PIAS1: variants seen among roughly 807,000 people sequenced by gnomAD.
PIAS1 encodes the protein protein inhibitor of activated STAT 1, also known as E3 SUMO-protein ligase PIAS1.
In PIAS1, 6 loss-of-function variants were observed where a neutral mutation model predicts 71.3. That is an observed-to-expected ratio of 0.08 (90% confidence interval 0.05 to 0.17). PIAS1 has a LOEUF of 0.17. Ranked by LOEUF, PIAS1 falls within the 10% of genes least tolerant of loss-of-function variation. The pLI is 1.00. For missense variants in PIAS1, 555 were observed against 793.6 expected (o/e 0.70, Z 3.61); for synonymous variants, 303 against 292.9 (o/e 1.03, Z -0.35).
intron 2 of PIAS1, among the ~76,000 whole-genome samples, chr15:68,111,498 G>T (rs567146498): frequency 6.6e-6 from 1 of 152,082 alleles, no homozygotes; most frequent in African/African-American, 2.4e-5. Flanking sequence ...CTAATTAGAG[G>T]TATGAATTGG....
At position 68,081,129 on chromosome 15, in the gene PIAS1, A is replaced by G. The variant is rs1469207028; in HGVS notation, c.25-5177A>G. The stretch of plus-strand genomic sequence containing the variant: ...CCCTGCCTCTGTGTAGTTGGGACAG[A>G]GTTTGCGTACATATATATCTGTGTT... On this transcript the variant is annotated intron_variant, in intron 1 of 13. Transcript: ENST00000249636. Among the ~76,000 whole-genome samples the G allele has an allele frequency of 2.0e-5, 3 of 152,186 alleles. No individual in the cohort carries two copies. In the East Asian group the frequency reaches 5.8e-4, roughly 29 times the overall value.
At chr15:68,107,022 C>CT (rs1011067702) in intron 2 of PIAS1, among the ~76,000 whole-genome samples, 3 of 152,126 alleles carry the variant, frequency 2.0e-5, no homozygotes, top group African/African-American at 7.2e-5. Flanking sequence ...ACCCTTTGTA[C>CT]TTCCTAGAGT....
At chr15:68,122,230 A>G (rs1246560917) in intron 2 of PIAS1, among the ~76,000 whole-genome samples, 1 of 152,192 alleles carries the variant, frequency 6.6e-6, no homozygotes, top group African/African-American at 2.4e-5. Flanking sequence ...AAAGGGGAAA[A>G]TGGCCAAGTT....
chr15:68,085,088 T>C (rs751592394), intron 1 of PIAS1, among the ~76,000 whole-genome samples: 4 of 152,188 alleles, frequency 2.6e-5, no homozygotes, highest in Non-Finnish European at 5.9e-5. Context: ...CCTTAGAGAA[T>C]TGGCTGGGGT....
chr15:68,157,184 A>C (rs2092896461), intron 7 of PIAS1, among the ~76,000 whole-genome samples: 1 of 152,090 alleles, frequency 6.6e-6, no homozygotes, highest in African/African-American at 2.4e-5. Context: ...GGACTGTTAG[A>C]CTTGTGGTGT....
intron 2 of PIAS1, among the ~76,000 whole-genome samples, chr15:68,096,437 A>AT (rs569315460): frequency 0.025 from 3,548 of 142,900 alleles, 101 homozygotes; most frequent in African/African-American, 0.07. Flanking sequence ...CAACTTTAGG[A>AT]TTTTTTTTTT....
rs760895309 is a variant in PIAS1 at position 68,173,417 on chromosome 15, C to T, written c.1009-315C>T. Among the ~76,000 whole-genome samples the T allele has an allele frequency of 1.3e-5, 2 of 151,732 alleles. No individual in the cohort carries two copies. Among genetic ancestry groups the T allele is most frequent in the East Asian group, 1.9e-4 (1 of 5,180 alleles). On this transcript the variant is annotated intron_variant, in intron 8 of 13. Transcript: ENST00000249636. This position sits in a 1 kb window ranked among gnomAD's most constrained non-coding sequence, Gnocchi z 4.3. ...CACTCTCTCCAGAAAAATGCACACA[C>T]GAAATTTTGAATGTAATTCAAGGGG...
chr15:68,156,864 C>T (rs2092893778), intron 7 of PIAS1, among the ~76,000 whole-genome samples: 1 of 152,088 alleles, frequency 6.6e-6, no homozygotes, highest in Non-Finnish European at 1.5e-5. Flanking sequence ...GACACGATTA[C>T]ATTTAGACAA....
intron 2 of PIAS1, among the ~76,000 whole-genome samples, chr15:68,110,996 C>T (rs1184487018): frequency 6.6e-6 from 1 of 152,096 alleles, no homozygotes; most frequent in Non-Finnish European, 1.5e-5. Context: ...TGGCTGTGTG[C>T]TTTTTTCTCT....
intron 8 of PIAS1, among the ~76,000 whole-genome samples, chr15:68,172,306 T>C (rs151031454): frequency 6.6e-4 from 101 of 152,320 alleles, no homozygotes; most frequent in African/African-American, 2.2e-3. Context: ...CTTAATTCAG[T>C]CTATCATTGA....
intron 2 of PIAS1, among the ~76,000 whole-genome samples, chr15:68,104,324 C>G (rs2092452091): frequency 6.6e-6 from 1 of 152,018 alleles, no homozygotes; most frequent in South Asian, 2.1e-4. Context: ...ATGAATTATA[C>G]TTTGTTTCTC....
chr15:68,129,187 T>C (rs896539904), intron 2 of PIAS1, among the ~76,000 whole-genome samples: 10 of 152,082 alleles, frequency 6.6e-5, no homozygotes, highest in African/African-American at 2.4e-4. Flanking sequence ...CTCACCCTCC[T>C]GAGTAACTAG....
intron 1 of PIAS1, among the ~76,000 whole-genome samples, chr15:68,063,721 C>A (rs1567023204): frequency 6.6e-6 from 1 of 152,140 alleles, no homozygotes; most frequent in Non-Finnish European, 1.5e-5. Context: ...TCTCAGGCCT[C>A]TGGTGGTTCC....
intron 2 of PIAS1, among the ~76,000 whole-genome samples, chr15:68,111,925 A>G (rs914098498): frequency 4.0e-5 from 6 of 151,888 alleles, no homozygotes; most frequent in Non-Finnish European, 8.8e-5. Flanking sequence ...TAGTCCATAC[A>G]CTCTCCATAC....
At chr15:68,135,610 C>T (rs1184753373) in intron 2 of PIAS1, among the ~76,000 whole-genome samples, 3 of 63,602 alleles carry the variant, frequency 4.7e-5, no homozygotes, top group East Asian at 4.7e-4. Flanking sequence ...GGTGGCTGGC[C>T]GGGCGGGGGG....
intron 1 of PIAS1, among the ~76,000 whole-genome samples, chr15:68,070,323 G>T (rs762815663): frequency 6.6e-6 from 1 of 152,212 alleles, no homozygotes; most frequent in Non-Finnish European, 1.5e-5. Context: ...AGATCTTTGT[G>T]AATTGAATTC....
At chr15:68,058,417 TAGAG>T (rs753150232) in intron 1 of PIAS1, among the ~76,000 whole-genome samples, 15 of 152,214 alleles carry the variant, frequency 9.9e-5, no homozygotes, top group Non-Finnish European at 1.9e-4. Flanking sequence ...TTTTTATAGA[TAGAG>T]AAAGTGAGCC....
chr15:68,189,943 G>C lies in PIAS1; in HGVS notation c.*2108G>C, dbSNP rs757962407. The C allele has an allele frequency of 6.6e-6, 1 of 151,962 alleles. No individual in the cohort carries two copies. Among genetic ancestry groups the C allele is most frequent in the South Asian group, 2.1e-4 (1 of 4,824 alleles). The allele number at this position is 151,962 out of a possible 1,614,324, so 9.4% of individuals were successfully genotyped here. On this transcript the variant is annotated 3_prime_UTR_variant, in exon 14 of 14. Coordinates refer to ENST00000249636, the MANE Select transcript of PIAS1 (RefSeq NM_016166.3). ...ACTAAAATTGTGGGGAGTTTTTTCT[G>C]ATTTTTACATTGCTTTAGGAAACAT...
intron 2 of PIAS1, among the ~76,000 whole-genome samples, chr15:68,116,002 G>T (rs889691829): frequency 6.6e-6 from 1 of 152,078 alleles, no homozygotes; most frequent in Non-Finnish European, 1.5e-5. Context: ...TGTCTAATAA[G>T]GTCTTGGTCT....
Sources: gnomAD v4.1 joint callset for allele counts (sites outside exome capture counted in the v4.1 genomes callset) on GRCh38, gnomAD v4.1.1 for gene constraint, Gnocchi (gnomAD v3.1) non-coding constraint, MANE v1.5 for transcripts, NCBI Gene and HGNC (gene_info 2026-07-23, HGNC 2026-07-21) for gene names.